The following GALNT18 variants were observed in gnomAD, a reference collection of about 807,000 sequenced individuals.
The protein encoded by GALNT18 is GalNAc-transferase 18.
In GALNT18, 44 loss-of-function variants were observed where a neutral mutation model predicts 69.5. The observed-to-expected ratio is 0.63, with a 90% CI of 0.50 to 0.81. GALNT18 has a LOEUF of 0.81. Among genes scored for constraint, GALNT18 ranks in the 40% least tolerant of loss-of-function variants. GALNT18 has a pLI of 0.00. For synonymous variants in GALNT18, 364 were observed against 318.2 expected (o/e 1.14, Z -1.53); for missense variants, 715 against 810.0 (o/e 0.88, Z 1.42).
At chr11:11,279,524 AG>A (rs1157897694) in intron 10 of GALNT18, among the ~76,000 whole-genome samples, 1 of 152,234 alleles carries the variant, frequency 6.6e-6, no homozygotes, top group African/African-American at 2.4e-5. Context: ...GTCCATCAAT[AG>A]TACAGCAGAC....
Position 11,432,728 on chromosome 11 carries a change from A to C in GALNT18, c.488T>G (p.Val163Gly), listed in dbSNP as rs1473354835. ...CAGCAGCACTGAAAGCGCTTCATTG[A>C]CGAAGATGAACACGATGCTCACCTC... ...LPEVSIVFIF[V>G]NEALSVLLRS... The change falls in exon 3 of 11, where the codon GTC (valine) becomes GGC (glycine). Residue 163 changes from valine (V) to glycine (G), a missense_variant. Val to Gly is a moderately radical substitution (Grantham distance 109). Transcript: ENST00000227756. This position sits in a 1 kb window ranked among gnomAD's most constrained non-coding sequence, Gnocchi z 5.8. 1 of 1,614,136 alleles carries C rather than the reference A, an allele frequency of 6.2e-7. No homozygotes were observed. Among genetic ancestry groups the C allele is most frequent in the Non-Finnish European group, 8.5e-7 (1 of 1,180,010 alleles).
rs367641565 is a variant in GALNT18 at position 11,358,074 on chromosome 11, C to CCAGA, written c.1092+14440_1092+14441insTCTG. On this transcript the variant is annotated intron_variant, in intron 6 of 10. Coordinates refer to ENST00000227756, the MANE Select transcript of GALNT18 (RefSeq NM_198516.3). ...GACTGTGGGATCACACTGTCCCTGC[C>CCAGA]TCCATCTCCTATGCCCATGTCCAAT... 9.2e-4 allele frequency among the ~76,000 whole-genome samples: 131 copies of CCAGA among 143,022 alleles called. 2 individuals carry two copies. The highest frequency in any genetic ancestry group is 9.3e-4 in the Non-Finnish European group (59 of 63,574). 93.8% of individuals were successfully genotyped at this position (143,022 alleles called of 152,430 possible).
At chr11:11,556,683 T>C (rs1357620443) in intron 1 of GALNT18, among the ~76,000 whole-genome samples, 2 of 152,238 alleles carry the variant, frequency 1.3e-5, no homozygotes, top group Non-Finnish European at 2.9e-5. Flanking sequence ...GAAAGCAGGA[T>C]ACAGCGCTAT....
chr11:11,355,857 C>A (rs529055370), intron 6 of GALNT18, among the ~76,000 whole-genome samples: 1 of 152,160 alleles, frequency 6.6e-6, no homozygotes, highest in South Asian at 2.1e-4. Flanking sequence ...CTTTCCCAAA[C>A]TAGACAGACA....
At chr11:11,290,326 T>G (rs186987089) in intron 10 of GALNT18, among the ~76,000 whole-genome samples, 17 of 152,306 alleles carry the variant, frequency 1.1e-4, no homozygotes, top group Admixed American at 9.1e-4. Flanking sequence ...TCATCCTGCT[T>G]CTTTCCTTTT....
At chr11:11,293,517 C>T (rs1427773165) in intron 9 of GALNT18, among the ~76,000 whole-genome samples, 1 of 148,224 alleles carries the variant, frequency 6.7e-6, no homozygotes, top group Non-Finnish European at 1.5e-5. Flanking sequence ...TTTCTTCACC[C>T]AGTTTACAAA....
At position 11,602,255 on chromosome 11, in the gene GALNT18, C is replaced by G. The variant is rs1053929291; in HGVS notation, c.235+19104G>C. On this transcript the variant is annotated intron_variant, in intron 1 of 10. Transcript: ENST00000227756. The surrounding 1 kb of genome is among the most constrained non-coding windows in gnomAD (Gnocchi z 4.7). ...TGAATTGTCTCTCCTGTTATGAAAC[C>G]TCCACCCTACATGTGAGCCAGGGAT... Among the ~76,000 whole-genome samples the G allele has an allele frequency of 9.2e-5, 14 of 152,106 alleles. No homozygotes were observed. The highest frequency in any genetic ancestry group is 1.9e-4 in the African/African-American group (8 of 41,400).
chr11:11,278,970 A>T (rs1197426465), intron 10 of GALNT18, among the ~76,000 whole-genome samples: 1 of 152,204 alleles, frequency 6.6e-6, no homozygotes, highest in African/African-American at 2.4e-5. Flanking sequence ...CCCCATAAAT[A>T]TATTCAACTA....
At position 11,341,792 on chromosome 11, in the gene GALNT18, C is replaced by T. The variant is rs80244673; in HGVS notation, c.1093-788G>A. On this transcript the variant is annotated intron_variant, in intron 6 of 10. Transcript: ENST00000227756. The surrounding 1 kb of genome is among the most constrained non-coding windows in gnomAD (Gnocchi z 6.3). The stretch of plus-strand genomic sequence containing the variant: ...GTAATTTTAGAATGCCCCACTGCCC[C>T]CAACTCCTTCTTCAGCTGAAAAAAT... Among the ~76,000 whole-genome samples, 1,283 of 152,136 alleles carry T rather than the reference C, an allele frequency of 8.4e-3. 16 individuals carry two copies. Among genetic ancestry groups the T allele is most frequent in the Middle Eastern group, 0.024 (7 of 294 alleles).
chr11:11,584,097 G>T lies in GALNT18; in HGVS notation c.235+37262C>A, dbSNP rs748833668. Among the ~76,000 whole-genome samples the T allele has an allele frequency of 6.6e-6, 1 of 151,984 alleles. No individual in the cohort carries two copies. The highest frequency in any genetic ancestry group is 1.9e-4 in the East Asian group (1 of 5,160). The stretch of plus-strand genomic sequence containing the variant: ...TGGTCAAGCAGAAAAGAGATAAGAG[G>T]ACATACGGAGAGAAGTAAAAAGGGG... On this transcript the variant is annotated intron_variant, in intron 1 of 10. Coordinates refer to ENST00000227756, the MANE Select transcript of GALNT18 (RefSeq NM_198516.3). The surrounding 1 kb of genome is among the most constrained non-coding windows in gnomAD (Gnocchi z 4.1).
At chr11:11,406,932 G>A (rs1854600715) in intron 3 of GALNT18, among the ~76,000 whole-genome samples, 1 of 152,202 alleles carries the variant, frequency 6.6e-6, no homozygotes, top group African/African-American at 2.4e-5. Flanking sequence ...GAGGCCAGGA[G>A]GAATATTATC....
At chr11:11,376,115 G>A (rs1853748708) in intron 5 of GALNT18, among the ~76,000 whole-genome samples, 1 of 152,190 alleles carries the variant, frequency 6.6e-6, no homozygotes, top group African/African-American at 2.4e-5. Flanking sequence ...AGGCGCAGTG[G>A]CTCATGCCTG....
chr11:11,556,332 T>C (rs1007454280), intron 1 of GALNT18, among the ~76,000 whole-genome samples: 5 of 152,222 alleles, frequency 3.3e-5, no homozygotes, highest in East Asian at 1.9e-4. Context: ...CTTTGCCCTA[T>C]ACCGGGCAGC....
chr11:11,568,514 A>G (rs926965086), intron 1 of GALNT18, among the ~76,000 whole-genome samples: 10 of 152,140 alleles, frequency 6.6e-5, no homozygotes, highest in African/African-American at 2.2e-4. Context: ...TAAGGGGGGA[A>G]AAAGGTAGGT....
chr11:11,292,913 T>G (rs1849327962), intron 10 of GALNT18, 116 bp downstream of exon 10: 1 of 928,692 alleles, frequency 1.1e-6, no homozygotes, highest in African/African-American at 1.7e-5. Context: ...GCCTCACTAC[T>G]GCCAGTCTGT....
rs1859502468 is a variant in GALNT18, at chr11:11,596,395, A to G, written c.235+24964T>C. 6.6e-6 allele frequency among the ~76,000 whole-genome samples: 1 copy of G among 152,206 alleles called. No homozygotes were observed. The highest frequency in any genetic ancestry group is 2.1e-4 in the South Asian group (1 of 4,834). On this transcript the variant is annotated intron_variant, in intron 1 of 10. Transcript: ENST00000227756. This position sits in a 1 kb window ranked among gnomAD's most constrained non-coding sequence, Gnocchi z 4.2. ...ACCTTAAATTTCCATCAGAATTTTA[A>G]GATAAGCCTGTCAATTTCTGTGTAA...
rs535160238 is a variant in GALNT18 at position 11,287,460 on chromosome 11, T to C, written c.1677+5569A>G. On this transcript the variant is annotated intron_variant, in intron 10 of 10. Coordinates refer to ENST00000227756, the MANE Select transcript of GALNT18 (RefSeq NM_198516.3). ...CCTCTGCTTTGCTTGACAAGTATCC[T>C]GCCACAAAGTTCTTCTCTGTAGTGA... 8.5e-5 allele frequency among the ~76,000 whole-genome samples: 13 copies of C among 152,278 alleles called. No homozygotes were observed. The South Asian group carries it at 2.7e-3, about 32-fold the overall frequency.
chr11:11,443,343 C>A (rs1464378792), intron 2 of GALNT18, among the ~76,000 whole-genome samples: 3 of 152,130 alleles, frequency 2.0e-5, no homozygotes, highest in Non-Finnish European at 4.4e-5. Context: ...CTTCTTCAGT[C>A]GCTTTCTCAC....
In GALNT18 at chr11:11,338,902, G is replaced by C. The variant is rs548919976; in HGVS notation, c.1278+1917C>G. Reference sequence around the variant, plus strand: ...GAGAGAGATAAGATTCCAGGGTGTGGAATCATGGACCCAAGGAGCTACAGA... The same window carrying C: ...GAGAGAGATAAGATTCCAGGGTGTGCAATCATGGACCCAAGGAGCTACAGA... On this transcript the variant is annotated intron_variant, in intron 7 of 10. Transcript: ENST00000227756. This position sits in a 1 kb window ranked among gnomAD's most constrained non-coding sequence, Gnocchi z 5.3. Among the ~76,000 whole-genome samples, 1 of 152,240 alleles carries C rather than the reference G, an allele frequency of 6.6e-6. No individual in the cohort carries two copies. The highest frequency in any genetic ancestry group is 1.9e-4 in the East Asian group (1 of 5,178).
Sources: gnomAD v4.1 joint callset for allele counts (sites outside exome capture counted in the v4.1 genomes callset) on GRCh38, gnomAD v4.1.1 for gene constraint, Gnocchi (gnomAD v3.1) non-coding constraint, MANE v1.5 for transcripts, NCBI Gene and HGNC (gene_info 2026-07-23, HGNC 2026-07-21) for gene names.